Variants in LAMP2 observed in about 807,000 individuals in gnomAD.
The protein encoded by LAMP2 is lysosome associated membrane protein 2.
LAMP2 carries 4 observed loss-of-function variants against 25.6 expected under a neutral mutation model. That is an observed-to-expected ratio of 0.16 (90% confidence interval 0.08 to 0.36). The LOEUF is 0.36. Among genes scored for constraint, LAMP2 ranks in the 10% least tolerant of loss-of-function variants. The pLI is 1.00. For synonymous variants in LAMP2, 108 were observed against 112.7 expected (o/e 0.96, Z 0.27); for missense variants, 272 against 301.4 (o/e 0.90, Z 0.72).
In LAMP2 at chrX:120,449,144, A is replaced by G. The variant is rs757081396; in HGVS notation, c.398-16T>C. The G allele has an allele frequency of 8.6e-7, 1 of 1,159,246 alleles. No homozygotes were observed. Among genetic ancestry groups the G allele is most frequent in the Non-Finnish European group, 1.2e-6 (1 of 848,365 alleles). On this transcript the variant is annotated splice_polypyrimidine_tract_variant and intron_variant, in intron 3 of 8. Coordinates refer to ENST00000200639, the MANE Select transcript of LAMP2 (RefSeq NM_002294.3). ...GTAAGAATTCCTATAAAACAAGATT[A>G]ACAATGGCTATTTCCAAGAAGGTAG...
Position 120,454,546 on chromosome X carries a change from AGTT to A in LAMP2, c.397+808_397+810del, listed in dbSNP as rs1199071454. On this transcript the variant is annotated intron_variant, in intron 3 of 8. Transcript: ENST00000200639. ...GGCATGAGGATCGCTTGAATCCAGG[AGTT>A]CAAAACCAGCCTAGGCAACATAGTG... Among the ~76,000 whole-genome samples the A allele has an allele frequency of 5.4e-5, 6 of 110,123 alleles. No individual in the cohort carries two copies. In the East Asian group the frequency reaches 1.4e-3, roughly 26 times the overall value.
rs1131691290 is a variant in LAMP2 at position 120,446,364 on chromosome X, T to C, written c.805A>G (p.Thr269Ala). Residue 269 changes from threonine to alanine, a missense_variant, in exon 6 of 9, where the codon ACT (threonine) becomes GCT (alanine). Transcript: ENST00000200639. Reference protein sequence around the residue: ...THSTGSCRSHTALLRLNSSTI... With the variant: ...THSTGSCRSHAALLRLNSSTI... The stretch of plus-strand genomic sequence containing the variant: ...CTGCTATTGAGTCTAAGTAGAGCAG[T>C]GTGAGAACGGCAGCTGCCTGTGGAG... 5 of 1,200,335 alleles carry C rather than the reference T, an allele frequency of 4.2e-6. No individual in the cohort carries two copies. In the Admixed American group the frequency reaches 6.6e-5, roughly 16 times the overall value.
At position 120,448,022 on chromosome X, in the gene LAMP2, A is replaced by G; in HGVS notation, c.560T>C (p.Phe187Ser). 8.3e-7 allele frequency: 1 copy of G among 1,209,867 alleles called. No individual in the cohort carries two copies. Among genetic ancestry groups the G allele is most frequent in the Admixed American group, 2.2e-5 (1 of 46,007 alleles). ...TGAAGTTTTGTCTTTATCACACAGGAACTCTAAAACAAGCGAAAAGGGACA... is the reference window on the plus strand; with the variant it reads ...TGAAGTTTTGTCTTTATCACACAGGGACTCTAAAACAAGCGAAAAGGGACA... The part of the protein sequence containing the change: ...VQNGTVSTNE[F>S]LCDKDKTSTV... Residue 187 changes from phenylalanine (F) to serine (S), a missense_variant, in exon 5 of 9, where the codon TTC becomes TCC. Coordinates refer to ENST00000200639, the MANE Select transcript of LAMP2 (RefSeq NM_002294.3).
intron 3 of LAMP2, among the ~76,000 whole-genome samples, chrX:120,452,385 C>T (rs1167751626): frequency 9.0e-6 from 1 of 111,237 alleles, no homozygotes; most frequent in Non-Finnish European, 1.9e-5. Context: ...AAATCCTCCG[C>T]TTACTCAAAT....
In LAMP2 at chrX:120,429,182, A is replaced by C; in HGVS notation, c.*2141T>G. On this transcript the variant is annotated 3_prime_UTR_variant, in exon 9 of 9. Coordinates refer to ENST00000200639, the MANE Select transcript of LAMP2 (RefSeq NM_002294.3). ...TGTACATATATATATATATACACAC[A>C]CACACAATTATTTTTAGCTGAGCGG... 3 of 749,593 alleles carry C rather than the reference A, an allele frequency of 4.0e-6. No individual in the cohort carries two copies. The highest frequency in any genetic ancestry group is 4.7e-6 in the Non-Finnish European group (3 of 638,154). The allele number at this position is 749,593 out of a possible 1,213,427, so 61.8% of individuals were successfully genotyped here.
chrX:120,452,706 C>T (rs2058627080), intron 3 of LAMP2, among the ~76,000 whole-genome samples: 1 of 98,447 alleles, frequency 1.0e-5, no homozygotes, highest in Non-Finnish European at 2.0e-5. Flanking sequence ...CACGCCACCA[C>T]ACCTGGCTTT....
At chrX:120,455,826 T>C (rs1186224226) in intron 2 of LAMP2, among the ~76,000 whole-genome samples, 1 of 107,408 alleles carries the variant, frequency 9.3e-6, no homozygotes, top group African/African-American at 3.4e-5. Context: ...AAAAATTAGG[T>C]TGTAAGTAGT....
At chrX:120,458,961 C>G (rs1231977847) in intron 1 of LAMP2, among the ~76,000 whole-genome samples, 2 of 112,115 alleles carry the variant, frequency 1.8e-5, no homozygotes, top group Non-Finnish European at 3.8e-5. Flanking sequence ...AGGACACTTT[C>G]TTGTTCAAAA....
chrX:120,451,667 T>C lies in LAMP2; in HGVS notation c.398-2539A>G, dbSNP rs1019585368. 4.5e-5 allele frequency among the ~76,000 whole-genome samples: 5 copies of C among 111,156 alleles called. No homozygotes were observed. In the Admixed American group the frequency reaches 4.8e-4, roughly 11 times the overall value. ...TTTTAGTAGAGACAGGGTTTCACCA[T>C]GTTGGCCAGGCTGGTCTCAATCTCC... On this transcript the variant is annotated intron_variant, in intron 3 of 8. Transcript: ENST00000200639.
At position 120,427,677 on chromosome X, in the gene LAMP2, C is replaced by T. The variant is rs2058503997; in HGVS notation, c.*3646G>A. 2 of 111,617 alleles carry T rather than the reference C, an allele frequency of 1.8e-5. No homozygotes were observed. Among genetic ancestry groups the T allele is most frequent in the African/African-American group, 6.5e-5 (2 of 30,703 alleles). 9.2% of individuals were successfully genotyped at this position (111,617 alleles called of 1,213,427 possible). A position where few individuals can be genotyped will look rare whatever the true frequency, so the allele number is the denominator to read the frequency against. On this transcript the variant is annotated 3_prime_UTR_variant, in exon 9 of 9. Coordinates refer to ENST00000200639, the MANE Select transcript of LAMP2 (RefSeq NM_002294.3). ...TTGTTTTCAGTGCAGGATAAATGAA[C>T]CTTCTTAACAAGTTAAGGCTCTGAG...
chrX:120,429,098 A>G lies in LAMP2; in HGVS notation c.*2225T>C, dbSNP rs2058511306. 1 of 559,173 alleles carries G rather than the reference A, an allele frequency of 1.8e-6. No homozygotes were observed. The highest frequency in any genetic ancestry group is 2.1e-6 in the Non-Finnish European group (1 of 466,642). The allele number at this position is 559,173 out of a possible 1,213,427, so 46.1% of individuals were successfully genotyped here. On this transcript the variant is annotated 3_prime_UTR_variant, in exon 9 of 9. Transcript: ENST00000200639. ...TACATATATATGTGTGTGTATATAT[A>G]TGTGTATATATATGTATATGTGTAT...
intron 3 of LAMP2, among the ~76,000 whole-genome samples, chrX:120,454,240 A>C (rs1017267495): frequency 9.1e-5 from 10 of 110,283 alleles, no homozygotes; most frequent in African/African-American, 3.3e-4. Flanking sequence ...AAAAAAAAAA[A>C]AAACATAGCA....
Position 120,426,560 on chromosome X carries a change from T to A in LAMP2, c.*4763A>T, listed in dbSNP as rs761928368. ...CTAATTAATTAAGATAGAGCCATGA[T>A]AACTATTGAGGAATTAGTGATATTA... On this transcript the variant is annotated 3_prime_UTR_variant, in exon 9 of 9. Transcript: ENST00000200639. Among the ~76,000 whole-genome samples, 15 of 111,533 alleles carry A rather than the reference T, an allele frequency of 1.3e-4. No individual in the cohort carries two copies. The highest frequency in any genetic ancestry group is 2.6e-4 in the Non-Finnish European group (14 of 53,061).
At chrX:120,436,183 CTCTCTG>C (rs2058543655) in intron 8 of LAMP2, among the ~76,000 whole-genome samples, 6 of 109,835 alleles carry the variant, frequency 5.5e-5, no homozygotes, top group Admixed American at 3.0e-4. Context: ...CTCTCTCTCT[CTCTCTG>C]TCTCTCTCTC....
At chrX:120,450,654 A>T (rs138085666) in intron 3 of LAMP2, among the ~76,000 whole-genome samples, 4 of 111,429 alleles carry the variant, frequency 3.6e-5, no homozygotes, top group Non-Finnish European at 7.5e-5. Context: ...AATTTGTGAA[A>T]GTGTTTGCCT....
intron 8 of LAMP2, among the ~76,000 whole-genome samples, chrX:120,440,849 A>G: frequency 1.8e-5 from 2 of 112,667 alleles, no homozygotes; most frequent in South Asian, 7.3e-4. Context: ...TAGGGTGGAG[A>G]GCCCAATTTA....
At chrX:120,466,840 CTTT>C (rs916102893) in intron 1 of LAMP2, among the ~76,000 whole-genome samples, 2 of 81,533 alleles carry the variant, frequency 2.5e-5, no homozygotes, top group Non-Finnish European at 2.2e-5. Flanking sequence ...CAAATAACTT[CTTT>C]TTTTTTTTTT....
Position 120,457,279 on chromosome X carries a change from C to T in LAMP2, c.65-510G>A, listed in dbSNP as rs1335902954. Among the ~76,000 whole-genome samples the T allele has an allele frequency of 2.7e-5, 3 of 111,083 alleles. No homozygotes were observed. The Admixed American group carries it at 2.9e-4, about 11-fold the overall frequency. On this transcript the variant is annotated intron_variant, in intron 1 of 8. Coordinates refer to ENST00000200639, the MANE Select transcript of LAMP2 (RefSeq NM_002294.3). ...ATTCACTGCAAAAATAATGATAGAT[C>T]CGATATTCTACCATCTTTTTGCTTT...
intron 2 of LAMP2, among the ~76,000 whole-genome samples, chrX:120,456,408 C>T (rs1921094169): frequency 9.0e-6 from 1 of 110,934 alleles, no homozygotes; most frequent in African/African-American, 3.3e-5. Context: ...ACCATATAGT[C>T]GTCTTCAGAT....
Sources: allele counts gnomAD v4.1 joint callset (sites outside exome capture counted in the v4.1 genomes callset), GRCh38; gene constraint gnomAD v4.1.1; transcripts MANE v1.5; gene names NCBI Gene and HGNC (gene_info 2026-07-23, HGNC 2026-07-21).